Variants in DLGAP1 observed in about 807,000 individuals in gnomAD.
DLGAP1 encodes the protein DLG associated protein 1.
DLGAP1 carries 11 observed loss-of-function variants against 90.8 expected under a neutral mutation model. The observed-to-expected ratio is 0.12, with a 90% CI of 0.08 to 0.20. The LOEUF (loss-of-function observed/expected upper bound fraction) is 0.20. Among genes scored for constraint, DLGAP1 ranks in the 10% least tolerant of loss-of-function variants. The pLI, the probability that DLGAP1 is intolerant of heterozygous loss-of-function variation, is 1.00. For synonymous variants in DLGAP1, 558 were observed against 540.7 expected (o/e 1.03, Z -0.44); for missense variants, 1,050 against 1,333.8 (o/e 0.79, Z 3.31).
chr18:3,671,823 T>C (rs1434724457), intron 7 of DLGAP1, among the ~76,000 whole-genome samples: 1 of 152,236 alleles, frequency 6.6e-6, no homozygotes, highest in Non-Finnish European at 1.5e-5. Context: ...TGCCCTCATG[T>C]AGTTTATTCT....
intron 1 of DLGAP1, among the ~76,000 whole-genome samples, chr18:4,215,041 T>C (rs563772073): frequency 3.3e-4 from 50 of 152,330 alleles, no homozygotes; most frequent in African/African-American, 1.2e-3. Context: ...AGATTTATTT[T>C]ACTGTAGTAT....
intron 1 of DLGAP1, among the ~76,000 whole-genome samples, chr18:4,298,243 T>G (rs900888784): frequency 1.6e-4 from 25 of 152,188 alleles, no homozygotes; most frequent in Non-Finnish European, 4.4e-5. Context: ...GAATACTGCA[T>G]TTTCAATCTG....
intron 5 of DLGAP1, among the ~76,000 whole-genome samples, chr18:3,748,933 CTTGAG>C (rs1186864916): frequency 3.9e-5 from 6 of 152,126 alleles, no homozygotes; most frequent in Non-Finnish European, 5.9e-5. Flanking sequence ...GTAGTTGCCT[CTTGAG>C]TTATTTCTAC....
At chr18:4,229,517 A>T (rs1431959039) in intron 1 of DLGAP1, among the ~76,000 whole-genome samples, 1 of 152,106 alleles carries the variant, frequency 6.6e-6, no homozygotes, top group Non-Finnish European at 1.5e-5. Flanking sequence ...CCTAGAAACA[A>T]ATTCATACAT....
intron 1 of DLGAP1, among the ~76,000 whole-genome samples, chr18:4,381,571 T>G (rs979136832): frequency 2.0e-5 from 3 of 152,136 alleles, no homozygotes; most frequent in Admixed American, 2.0e-4. Context: ...TGCTTTTCCT[T>G]TCTGTTAATT....
intron 7 of DLGAP1, among the ~76,000 whole-genome samples, chr18:3,698,901 T>C (rs1306924409): frequency 6.6e-6 from 1 of 152,082 alleles, no homozygotes; most frequent in African/African-American, 2.4e-5. Context: ...TGATCTTCAA[T>C]CTCTGATATC....
chr18:4,074,575 C>T (rs1045309282), intron 2 of DLGAP1, among the ~76,000 whole-genome samples: 2 of 152,196 alleles, frequency 1.3e-5, no homozygotes, highest in Middle Eastern at 3.4e-3. Context: ...ATTTAAAAAT[C>T]GTTCAGCCAC....
At chr18:3,600,157 C>G (rs2056815542) in intron 7 of DLGAP1, among the ~76,000 whole-genome samples, 1 of 152,166 alleles carries the variant, frequency 6.6e-6, no homozygotes, top group Admixed American at 6.6e-5. Context: ...TTTGTTAATC[C>G]TTCTGACATT....
intron 3 of DLGAP1, among the ~76,000 whole-genome samples, chr18:3,919,071 C>G (rs1232301348): frequency 2.7e-5 from 4 of 147,834 alleles, no homozygotes; most frequent in African/African-American, 5.2e-5. Flanking sequence ...AATACCATGT[C>G]AAGAAGACGC....
At chr18:3,581,693 T>A (rs1419602199) in intron 8 of DLGAP1, among the ~76,000 whole-genome samples, 182 bp downstream of exon 8, 3 of 150,350 alleles carry the variant, frequency 2.0e-5, no homozygotes, top group African/African-American at 7.3e-5. Flanking sequence ...AAGAAAATAC[T>A]TTCATAATCT....
In DLGAP1 at chr18:3,525,761, C is replaced by T. The variant is rs111872507; in HGVS notation, c.2479+8433G>A. On this transcript the variant is annotated intron_variant, in intron 10 of 12. Transcript: ENST00000315677. ...GAGAAAATGATAGGAGGTCTTGCTC[C>T]GTGAGCCAGTCCCTCTCTTTGCCAT... 3.7e-4 allele frequency among the ~76,000 whole-genome samples: 56 copies of T among 152,292 alleles called. 1 individual carries two copies. In the South Asian group the frequency reaches 9.3e-3, roughly 25 times the overall value.
intron 4 of DLGAP1, among the ~76,000 whole-genome samples, chr18:3,869,682 C>A (rs1394873236): frequency 6.6e-6 from 1 of 152,216 alleles, no homozygotes; most frequent in African/African-American, 2.4e-5. Context: ...CTACTGTCAT[C>A]CCATATTGGA....
intron 1 of DLGAP1, among the ~76,000 whole-genome samples, chr18:4,372,122 T>C (rs578136073): frequency 4.1e-5 from 4 of 98,250 alleles, no homozygotes; most frequent in Admixed American, 1.1e-4. Context: ...AAGATGGAGA[T>C]AGATGGGAGT....
intron 5 of DLGAP1, among the ~76,000 whole-genome samples, chr18:3,764,222 G>A (rs977788850): frequency 6.6e-6 from 1 of 152,140 alleles, no homozygotes; most frequent in African/African-American, 2.4e-5. Context: ...ACTCAAAATT[G>A]AAAGCTGGTT....
intron 7 of DLGAP1, among the ~76,000 whole-genome samples, chr18:3,623,796 AAG>A (rs1274521769): frequency 7.1e-6 from 1 of 140,352 alleles, no homozygotes. Flanking sequence ...AAAAAAAAAA[AAG>A]GAAAACCCCC....
chr18:3,601,284 C>T (rs2145752512), intron 7 of DLGAP1, among the ~76,000 whole-genome samples: 1 of 152,044 alleles, frequency 6.6e-6, no homozygotes, highest in Middle Eastern at 3.4e-3. Flanking sequence ...TGGGGTTTCA[C>T]CATGTTGATC....
At chr18:3,689,898 A>G (rs2060832094) in intron 7 of DLGAP1, among the ~76,000 whole-genome samples, 1 of 152,170 alleles carries the variant, frequency 6.6e-6, no homozygotes, top group Non-Finnish European at 1.5e-5. Flanking sequence ...GAGGTTTACA[A>G]CCTGTAACTA....
intron 5 of DLGAP1, among the ~76,000 whole-genome samples, chr18:3,811,873 A>G (rs1214164140): frequency 6.6e-6 from 1 of 152,128 alleles, no homozygotes; most frequent in Non-Finnish European, 1.5e-5. Flanking sequence ...TTCAGCCCCT[A>G]CCCTCTAGCC....
intron 7 of DLGAP1, among the ~76,000 whole-genome samples, chr18:3,599,634 GTTT>G (rs1309617953): frequency 6.6e-6 from 1 of 152,062 alleles, no homozygotes; most frequent in Non-Finnish European, 1.5e-5. Flanking sequence ...TGTTTGTTTT[GTTT>G]TTTGAGACAG....
Sources: gnomAD v4.1 joint callset for allele counts (sites outside exome capture counted in the v4.1 genomes callset) on GRCh38, gnomAD v4.1.1 for gene constraint, MANE v1.5 for transcripts, NCBI Gene and HGNC (gene_info 2026-07-23, HGNC 2026-07-21) for gene names.